SH3GL2: variants seen among roughly 807,000 people sequenced by gnomAD.
The protein encoded by SH3GL2 is SH3 domain containing GRB2 like 2, endophilin A1.
A neutral mutation model predicts 46.0 loss-of-function variants in SH3GL2; 24 were observed. The observed-to-expected ratio is 0.52, with a 90% confidence interval of 0.38 to 0.73. The LOEUF (loss-of-function observed/expected upper bound fraction) is 0.73, where lower values mean the gene tolerates loss of function less well. SH3GL2 is among the 30% of genes least tolerant of loss of function. The pLI, the probability that SH3GL2 is intolerant of heterozygous loss-of-function variation, is 0.00. For synonymous variants in SH3GL2, 196 were observed against 147.1 expected (o/e 1.33, Z -2.40); for missense variants, 413 against 424.2 (o/e 0.97, Z 0.23).
At chr9:17,693,608 C>T (rs1196165336) in intron 1 of SH3GL2, among the ~76,000 whole-genome samples, 1 of 152,144 alleles carries the variant, frequency 6.6e-6, no homozygotes, top group Non-Finnish European at 1.5e-5. Flanking sequence ...TGCCTTTATT[C>T]TGCCATTTTA....
intron 8 of SH3GL2, among the ~76,000 whole-genome samples, chr9:17,795,200 T>C (rs559840811): frequency 1.3e-5 from 2 of 152,240 alleles, no homozygotes; most frequent in African/African-American, 4.8e-5. Flanking sequence ...TCTTAAGTCA[T>C]TGTCCCTCCT....
chr9:17,785,444 T>G (rs939023095), intron 3 of SH3GL2, among the ~76,000 whole-genome samples: 2 of 152,162 alleles, frequency 1.3e-5, no homozygotes, highest in African/African-American at 2.4e-5. Context: ...AAAGTTTAAA[T>G]AAAAGCCTTG....
At chr9:17,692,673 G>A (rs905254039) in intron 1 of SH3GL2, among the ~76,000 whole-genome samples, 2 of 152,114 alleles carry the variant, frequency 1.3e-5, no homozygotes, top group Admixed American at 6.6e-5. Context: ...AGAAAGTAGG[G>A]CAGCTAGGAG....
At chr9:17,592,795 G>A (rs571573789) in intron 1 of SH3GL2, among the ~76,000 whole-genome samples, 1 of 152,266 alleles carries the variant, frequency 6.6e-6, no homozygotes, top group East Asian at 1.9e-4. Context: ...TCTCTGCTAC[G>A]AGATGACCAG....
chr9:17,662,011 C>A (rs556892971), intron 1 of SH3GL2, among the ~76,000 whole-genome samples: 2 of 152,190 alleles, frequency 1.3e-5, no homozygotes, highest in East Asian at 1.9e-4. Context: ...GGAGAATATA[C>A]CCAGTATAAT....
chr9:17,780,240 C>G (rs1429569468), intron 3 of SH3GL2, among the ~76,000 whole-genome samples: 1 of 152,146 alleles, frequency 6.6e-6, no homozygotes, highest in African/African-American at 2.4e-5. Context: ...CCTAGCTGCC[C>G]TTACCTTTAA....
chr9:17,745,845 A>C (rs1441069185), intron 1 of SH3GL2, among the ~76,000 whole-genome samples: 3 of 152,170 alleles, frequency 2.0e-5, no homozygotes, highest in Non-Finnish European at 2.9e-5. Context: ...GCTGCTATTG[A>C]AGGAAATGAA....
chr9:17,761,538 A>G (rs748962431), intron 3 of SH3GL2, 29 bp downstream of exon 3: 4 of 1,315,844 alleles, frequency 3.0e-6, no homozygotes, highest in Non-Finnish European at 4.4e-6. Context: ...TGTTTAAAGG[A>G]TCCCTCGAGG....
At chr9:17,685,828 C>G (rs1820891111) in intron 1 of SH3GL2, among the ~76,000 whole-genome samples, 1 of 152,060 alleles carries the variant, frequency 6.6e-6, no homozygotes. Flanking sequence ...GGTACCAGTA[C>G]CATGCTGTTT....
chr9:17,765,267 G>A (rs1048282814), intron 3 of SH3GL2, among the ~76,000 whole-genome samples: 1 of 141,296 alleles, frequency 7.1e-6, no homozygotes, highest in Non-Finnish European at 1.5e-5. Context: ...TCATGGACAG[G>A]CCAGGGGAAT....
At chr9:17,726,919 A>G (rs1464470125) in intron 1 of SH3GL2, among the ~76,000 whole-genome samples, 1 of 152,194 alleles carries the variant, frequency 6.6e-6, no homozygotes, top group African/African-American at 2.4e-5. Context: ...TGAATATTAT[A>G]TAGTCACACA....
intron 1 of SH3GL2, among the ~76,000 whole-genome samples, chr9:17,645,508 A>C (rs531904792): frequency 1.3e-5 from 2 of 152,092 alleles, no homozygotes; most frequent in Admixed American, 6.6e-5. Flanking sequence ...AGTGGCTGGT[A>C]CTGGTTTTTC....
chr9:17,755,247 G>T (rs1276968041), intron 2 of SH3GL2, among the ~76,000 whole-genome samples: 2 of 152,154 alleles, frequency 1.3e-5, no homozygotes, highest in Admixed American at 6.5e-5. Context: ...AGATAATCAT[G>T]TGTTTTTCTT....
At chr9:17,780,654 CAG>C (rs1273725395) in intron 3 of SH3GL2, among the ~76,000 whole-genome samples, 2 of 109,136 alleles carry the variant, frequency 1.8e-5, no homozygotes, top group Non-Finnish European at 3.7e-5. Flanking sequence ...CCATAGTCCC[CAG>C]AGTGTGATAT....
At chr9:17,581,758 GC>G (rs1818280531) in intron 1 of SH3GL2, among the ~76,000 whole-genome samples, 1 of 152,194 alleles carries the variant, frequency 6.6e-6, no homozygotes, top group Non-Finnish European at 1.5e-5. Flanking sequence ...GAGTGCAATG[GC>G]GTGATCTCAG....
intron 1 of SH3GL2, among the ~76,000 whole-genome samples, chr9:17,721,811 C>T (rs1356691540): frequency 6.6e-6 from 1 of 152,042 alleles, no homozygotes; most frequent in Non-Finnish European, 1.5e-5. Context: ...GCCAATTCCC[C>T]TAATAAATAC....
chr9:17,785,350 C>G (rs571762975), intron 3 of SH3GL2, among the ~76,000 whole-genome samples: 1 of 152,312 alleles, frequency 6.6e-6, no homozygotes, highest in Admixed American at 6.5e-5. Context: ...AATTGTCGTG[C>G]TCATTGTAAT....
chr9:17,682,265 G>GT (rs563906856), intron 1 of SH3GL2, among the ~76,000 whole-genome samples: 8 of 151,948 alleles, frequency 5.3e-5, no homozygotes, highest in Admixed American at 6.6e-5. Flanking sequence ...GCATGCATAT[G>GT]TTTTTTGCGT....
At chr9:17,585,769 G>T (rs549669087) in intron 1 of SH3GL2, among the ~76,000 whole-genome samples, 9 of 152,304 alleles carry the variant, frequency 5.9e-5, no homozygotes, top group Admixed American at 6.5e-5. Flanking sequence ...ACTTGTGGTA[G>T]GGGCCAACCT....
Sources: gnomAD v4.1 joint callset for allele counts (sites outside exome capture counted in the v4.1 genomes callset) on GRCh38, gnomAD v4.1.1 for gene constraint, MANE v1.5 for transcripts, NCBI Gene and HGNC (gene_info 2026-07-23, HGNC 2026-07-21) for gene names.